Variants in ACOXL observed in about 807,000 individuals in gnomAD.
ACOXL encodes the protein acyl-CoA oxidase like.
Under a neutral mutation model 71.9 loss-of-function variants are expected in ACOXL, and 70 were observed. The ratio of observed to expected loss-of-function variants is 0.97; its 90% confidence interval spans 0.80 to 1.19. The LOEUF is 1.19. Among genes scored for constraint, ACOXL ranks in the 50% most tolerant of loss-of-function variants. The probability of loss-of-function intolerance (pLI) is 0.00; values close to 1 mark genes in which losing one functional copy is unlikely to be tolerated. For missense variants in ACOXL, 703 were observed against 736.3 expected (o/e 0.95, Z 0.52); for synonymous variants, 253 against 281.6 (o/e 0.90, Z 1.02).
chr2:111,001,907 G>A (rs112959614), intron 14 of ACOXL, among the ~76,000 whole-genome samples: 2 of 152,280 alleles, frequency 1.3e-5, no homozygotes, highest in African/African-American at 4.8e-5. Context: ...ATTAGGATGG[G>A]CTATGATGGC....
intron 1 of ACOXL, among the ~76,000 whole-genome samples, chr2:110,749,401 C>T (rs1369639104): frequency 2.0e-5 from 3 of 152,148 alleles, no homozygotes; most frequent in Non-Finnish European, 4.4e-5. Flanking sequence ...ACATCTTACA[C>T]AACCATAGCA....
At position 110,987,115 on chromosome 2, in the gene ACOXL, GGCGGGAACT is replaced by G. The variant is rs1287506903; in HGVS notation, c.1070_1078del (p.Arg357_Leu359del). On this transcript the variant is annotated inframe_deletion, in exon 13 of 18. Coordinates refer to ENST00000439055, the MANE Select transcript of ACOXL (RefSeq NM_001142807.4). ...GATAAACTCTTTGCACAGGTTGTGG[GGCGGGAACT>G]GCTGGCCCAATACACCAAACAGTAT... 6.4e-7 allele frequency: 1 copy of G among 1,567,044 alleles called. No individual in the cohort carries two copies. The highest frequency in any genetic ancestry group is 1.2e-5 in the South Asian group (1 of 85,450).
At chr2:110,856,897 G>GA (rs563471113) in intron 10 of ACOXL, among the ~76,000 whole-genome samples, 28 of 152,284 alleles carry the variant, frequency 1.8e-4, no homozygotes, top group Non-Finnish European at 3.5e-4. Flanking sequence ...CAAGGACATT[G>GA]ATTTTTCTAA....
At chr2:110,856,101 C>T (rs1693208194) in intron 10 of ACOXL, among the ~76,000 whole-genome samples, 1 of 152,136 alleles carries the variant, frequency 6.6e-6, no homozygotes, top group Admixed American at 6.5e-5. Flanking sequence ...GTGCATTTTA[C>T]AATCCTCTTG....
chr2:111,115,523 T>C (rs2070288144), intron 17 of ACOXL: 1 of 152,174 alleles, frequency 6.6e-6, no homozygotes, highest in Non-Finnish European at 1.5e-5. Context: ...AGCATACCAT[T>C]TGTGAGTGAA....
rs1287048398 is a variant in ACOXL at position 110,818,419 on chromosome 2, A to G, written c.753+13024A>G. On this transcript the variant is annotated intron_variant, in intron 9 of 17. Coordinates refer to ENST00000439055, the MANE Select transcript of ACOXL (RefSeq NM_001142807.4). ...AAAAAAAAAAAAAAAACATATATAT[A>G]TATATGTGTGTGTGTGTGTGTGTGT... Among the ~76,000 whole-genome samples the G allele has an allele frequency of 9.2e-3, 1,307 of 141,654 alleles. 27 individuals carry two copies. The highest frequency in any genetic ancestry group is 0.034 in the African/African-American group (1,260 of 37,076). The allele number at this position is 141,654 out of a possible 152,430, so 92.9% of individuals were successfully genotyped here. A position where few individuals can be genotyped will look rare whatever the true frequency, so the allele number is the denominator to read the frequency against.
intron 1 of ACOXL, among the ~76,000 whole-genome samples, chr2:110,736,744 T>C (rs4569480): frequency 0.77 from 116,756 of 152,038 alleles, 45,582 homozygotes; most frequent in African/African-American, 0.93. Flanking sequence ...CTCAGCTTCC[T>C]GAGTAGCTGG....
intron 10 of ACOXL, among the ~76,000 whole-genome samples, chr2:110,897,691 A>G (rs1229704222): frequency 6.8e-6 from 1 of 148,014 alleles, no homozygotes; most frequent in South Asian, 2.2e-4. Context: ...AAGAACCTAG[A>G]AAAAGAAGAA....
rs1484382945 is a variant in ACOXL, at chr2:110,794,087, C to A, written c.258C>A (p.Tyr86Ter). The A allele has an allele frequency of 9.3e-6, 15 of 1,614,150 alleles. No homozygotes were observed. Among genetic ancestry groups the A allele is most frequent in the African/African-American group, 2.7e-5 (2 of 75,028 alleles). The change falls in exon 5 of 18, where the codon TAC (tyrosine) becomes TAA (stop). Residue 86 changes from tyrosine to a stop codon, truncating the protein, a stop_gained. Transcript: ENST00000439055. LOFTEE classifies it high-confidence loss of function. ...KWFQPLQEQK[Y>*]TGMFAMTERG... ...CTGGTAAACTCCAGGAGCAGAAATA[C>A]ACTGGGATGTTTGCAATGACCGAGA...
intron 12 of ACOXL, among the ~76,000 whole-genome samples, chr2:110,949,477 G>C (rs916463056): frequency 1.3e-5 from 2 of 152,158 alleles, no homozygotes; most frequent in East Asian, 3.9e-4. Context: ...CTGGATTAAA[G>C]CCTAGGCTTC....
At chr2:110,928,973 T>C (rs756281483) in intron 11 of ACOXL, among the ~76,000 whole-genome samples, 3 of 152,258 alleles carry the variant, frequency 2.0e-5, no homozygotes, top group Non-Finnish European at 2.9e-5. Flanking sequence ...CCATTAAACC[T>C]GTTTTTCTTT....
intron 13 of ACOXL, among the ~76,000 whole-genome samples, chr2:110,994,482 A>G (rs1012599866): frequency 1.3e-5 from 2 of 151,928 alleles, no homozygotes; most frequent in African/African-American, 4.8e-5. Flanking sequence ...AAGTTATTTG[A>G]GTCTTGTAAT....
intron 2 of ACOXL, among the ~76,000 whole-genome samples, chr2:110,782,316 A>G (rs1683440926): frequency 6.6e-6 from 1 of 152,130 alleles, no homozygotes; most frequent in Admixed American, 6.5e-5. Flanking sequence ...AATATTAGAC[A>G]TTCTTTAATT....
intron 9 of ACOXL, among the ~76,000 whole-genome samples, chr2:110,832,313 T>G (rs903309190): frequency 1.3e-5 from 2 of 150,280 alleles, no homozygotes; most frequent in African/African-American, 2.4e-5. Flanking sequence ...CCGAGGCGGG[T>G]GGATCATGAG....
chr2:111,013,995 T>C (rs2064307285), intron 14 of ACOXL, among the ~76,000 whole-genome samples: 1 of 152,196 alleles, frequency 6.6e-6, no homozygotes, highest in Non-Finnish European at 1.5e-5. Flanking sequence ...ATGATTATAT[T>C]ATGGGGAAAA....
chr2:110,841,327 C>T (rs761197572), intron 9 of ACOXL, 44 bp from the exon 10 acceptor site: 7 of 1,483,002 alleles, frequency 4.7e-6, no homozygotes, highest in South Asian at 2.3e-5. Flanking sequence ...ATTCTGCATA[C>T]TCTTGATATT....
chr2:111,117,644 A>G lies in ACOXL; in HGVS notation c.1571A>G (p.Asp524Gly), dbSNP rs1475031285. ...QLLDLCDSVK[D>G]DARRVISTFN... ...CTGGATTTGTGCGACTCGGTGAAGGATGATGCCCGGAGGGTGATCTCGACC... is the reference window on the plus strand; with the variant it reads ...CTGGATTTGTGCGACTCGGTGAAGGGTGATGCCCGGAGGGTGATCTCGACC... Residue 524 changes from aspartate to glycine, a missense_variant, in exon 18 of 18, where the codon GAT becomes GGT. Physicochemically the swap from Asp to Gly is moderately conservative, Grantham distance 94. Coordinates refer to ENST00000439055, the MANE Select transcript of ACOXL (RefSeq NM_001142807.4). The G allele has an allele frequency of 6.4e-7, 1 of 1,551,740 alleles. No homozygotes were observed. Among genetic ancestry groups the G allele is most frequent in the Admixed American group, 2.0e-5 (1 of 51,010 alleles).
intron 10 of ACOXL, among the ~76,000 whole-genome samples, chr2:110,877,435 T>A (rs928228896): frequency 1.3e-5 from 2 of 152,268 alleles, no homozygotes; most frequent in Non-Finnish European, 2.9e-5. Flanking sequence ...CTGTAACTTC[T>A]GTCTTAATTT....
At chr2:110,864,709 G>A (rs1423264558) in intron 10 of ACOXL, among the ~76,000 whole-genome samples, 1 of 152,258 alleles carries the variant, frequency 6.6e-6, no homozygotes, top group Non-Finnish European at 1.5e-5. Context: ...AGCCTTGCCT[G>A]TGTTTTTGGG....
Sources: gnomAD v4.1 joint callset for allele counts (sites outside exome capture counted in the v4.1 genomes callset) on GRCh38, gnomAD v4.1.1 for gene constraint, MANE v1.5 for transcripts, NCBI Gene and HGNC (gene_info 2026-07-23, HGNC 2026-07-21) for gene names.